The following CCDC148 variants were observed in gnomAD, a reference collection of about 807,000 sequenced individuals.
CCDC148 encodes coiled-coil domain-containing protein 148.
A neutral mutation model predicts 85.7 loss-of-function variants in CCDC148; 89 were observed. The ratio of observed to expected loss-of-function variants is 1.04; its 90% CI spans 0.87 to 1.24. The LOEUF is 1.24. Among genes scored for constraint, CCDC148 ranks in the 50% most tolerant of loss-of-function variants. The pLI, the probability that CCDC148 is intolerant of heterozygous loss-of-function variation, is 0.00. For synonymous variants in CCDC148, 230 were observed against 213.9 expected, an observed-to-expected ratio of 1.08 and a Z score of -0.66; for missense variants, 692 against 671.7, an observed-to-expected ratio of 1.03 and a Z score of -0.33.
chr2:158,328,421 C>T (rs901761269), intron 7 of CCDC148, among the ~76,000 whole-genome samples: 5 of 152,306 alleles, frequency 3.3e-5, no homozygotes, highest in Admixed American at 2.6e-4. Flanking sequence ...CATTGTTGGA[C>T]ATCTGGGTTG....
At chr2:158,237,521 C>A (rs188422960) in intron 10 of CCDC148, among the ~76,000 whole-genome samples, 144 of 152,168 alleles carry the variant, frequency 9.5e-4, no homozygotes, top group African/African-American at 3.3e-3. Flanking sequence ...AGGGCGGAAA[C>A]AGAAGTCAGA....
At chr2:158,238,829 T>C (rs1478623781) in intron 10 of CCDC148, among the ~76,000 whole-genome samples, 1 of 152,148 alleles carries the variant, frequency 6.6e-6, no homozygotes, top group South Asian at 2.1e-4. Flanking sequence ...CGAAAGTAAA[T>C]AGTTTGAAAC....
Position 158,258,558 on chromosome 2 carries a change from C to T in CCDC148, c.1111-7646G>A, listed in dbSNP as rs116580510. Among the ~76,000 whole-genome samples, 1,305 of 151,900 alleles carry T rather than the reference C, an allele frequency of 8.6e-3. 11 individuals carry two copies. Among genetic ancestry groups the T allele is most frequent in the African/African-American group, 0.03 (1,237 of 41,476 alleles). On this transcript the variant is annotated intron_variant, in intron 9 of 13. Coordinates refer to ENST00000283233, the MANE Select transcript of CCDC148 (RefSeq NM_138803.4). ...TAATGATGCACACTTGACAGGGTTG[C>T]TATGCAAACACCAACCATTTGAACA...
intron 1 of CCDC148, among the ~76,000 whole-genome samples, chr2:158,377,117 G>A (rs1684683316): frequency 6.6e-6 from 1 of 151,956 alleles, no homozygotes; most frequent in African/African-American, 2.4e-5. Flanking sequence ...TTTGCACAAG[G>A]ATCCATATTC....
chr2:158,439,521 A>C (rs1687839381), intron 1 of CCDC148, among the ~76,000 whole-genome samples: 1 of 152,086 alleles, frequency 6.6e-6, no homozygotes, highest in Admixed American at 6.5e-5. Context: ...GATATACCTA[A>C]TGTAAATGAT....
chr2:158,329,957 G>T (rs1263250351), intron 7 of CCDC148, among the ~76,000 whole-genome samples: 2 of 152,126 alleles, frequency 1.3e-5, no homozygotes, highest in African/African-American at 4.8e-5. Context: ...CTGCAAACAG[G>T]GACAATTTGA....
At chr2:158,298,655 A>G (rs1290676497) in intron 9 of CCDC148, among the ~76,000 whole-genome samples, 1 of 152,152 alleles carries the variant, frequency 6.6e-6, no homozygotes, top group Non-Finnish European at 1.5e-5. Context: ...GATAAAGCCA[A>G]TTCAATAGAT....
chr2:158,319,300 G>A (rs1199724595), intron 7 of CCDC148, among the ~76,000 whole-genome samples: 1 of 152,104 alleles, frequency 6.6e-6, no homozygotes, highest in Non-Finnish European at 1.5e-5. Flanking sequence ...CAGTGAATCT[G>A]GATTGATTTT....
At chr2:158,448,542 C>T (rs1030211231) in intron 1 of CCDC148, among the ~76,000 whole-genome samples, 5 of 151,878 alleles carry the variant, frequency 3.3e-5, no homozygotes, top group Non-Finnish European at 7.4e-5. Context: ...TAGGGTTTTG[C>T]CATGTTACCC....
intron 1 of CCDC148, among the ~76,000 whole-genome samples, chr2:158,433,863 C>T (rs1450485168): frequency 1.3e-4 from 20 of 152,244 alleles, no homozygotes; most frequent in Admixed American, 1.3e-3. Context: ...GCCCATGGAG[C>T]CTCGCTCACT....
intron 10 of CCDC148, among the ~76,000 whole-genome samples, chr2:158,221,892 G>C (rs1687203056): frequency 6.6e-6 from 1 of 152,146 alleles, no homozygotes; most frequent in Non-Finnish European, 1.5e-5. Flanking sequence ...GATGGAGAGA[G>C]AGAGAGAGAG....
chr2:158,338,826 G>A lies in CCDC148; in HGVS notation c.664C>T (p.Pro222Ser). The A allele has an allele frequency of 6.2e-7, 1 of 1,612,524 alleles. No individual in the cohort carries two copies. The highest frequency in any genetic ancestry group is 8.5e-7 in the Non-Finnish European group (1 of 1,179,530). ...IELESLECPY[P>S]DLKSSILSEF... ...CTGAGAATTGAAGATTTCAAATCAG[G>A]GTATGGGCATTCCAAACTTTCTAAT... is the stretch of plus-strand genomic sequence containing the variant. The change falls in exon 7 of 14, where the codon CCT (proline) becomes TCT (serine). Residue 222 changes from proline to serine, a missense_variant. Coordinates refer to ENST00000283233, the MANE Select transcript of CCDC148 (RefSeq NM_138803.4).
At chr2:158,207,250 G>A (rs528891153) in intron 11 of CCDC148, among the ~76,000 whole-genome samples, 1 of 152,176 alleles carries the variant, frequency 6.6e-6, no homozygotes, top group Admixed American at 6.5e-5. Context: ...CTTATAAGAC[G>A]ACAGATAGCC....
intron 1 of CCDC148, among the ~76,000 whole-genome samples, 193 bp downstream of exon 1, chr2:158,456,222 T>C (rs1688710484): frequency 6.6e-6 from 1 of 152,182 alleles, no homozygotes; most frequent in African/African-American, 2.4e-5. Flanking sequence ...CCTCGTTCCC[T>C]TACCAAAATA....
chr2:158,294,923 T>C (rs62184073), intron 9 of CCDC148, among the ~76,000 whole-genome samples: 61,705 of 151,492 alleles, frequency 0.41, 13,196 homozygotes, highest in South Asian at 0.61. Flanking sequence ...GTTGACGATA[T>C]TTGACATGAT....
chr2:158,455,685 G>C (rs1025262392), intron 1 of CCDC148, among the ~76,000 whole-genome samples: 1 of 152,048 alleles, frequency 6.6e-6, no homozygotes, highest in Non-Finnish European at 1.5e-5. Context: ...ATCGCCAAAA[G>C]AATGTAAGAA....
chr2:158,371,579 A>G (rs1161611247), intron 1 of CCDC148, among the ~76,000 whole-genome samples: 1 of 151,966 alleles, frequency 6.6e-6, no homozygotes, highest in Non-Finnish European at 1.5e-5. Flanking sequence ...AATTTTATAC[A>G]GGTATAATAA....
At chr2:158,435,842 A>G (rs542515399) in intron 1 of CCDC148, among the ~76,000 whole-genome samples, 1 of 152,336 alleles carries the variant, frequency 6.6e-6, no homozygotes, top group South Asian at 2.1e-4. Flanking sequence ...CTCTGATAAA[A>G]CAGACTTTGA....
At chr2:158,356,479 A>G (rs937410085) in intron 2 of CCDC148, among the ~76,000 whole-genome samples, 1 of 151,804 alleles carries the variant, frequency 6.6e-6, no homozygotes, top group African/African-American at 2.4e-5. Context: ...CACATGAAAA[A>G]ATGCTCATCA....
Sources: allele counts gnomAD v4.1 joint callset (sites outside exome capture counted in the v4.1 genomes callset), GRCh38; gene constraint gnomAD v4.1.1; transcripts MANE v1.5; gene names NCBI Gene and HGNC (gene_info 2026-07-23, HGNC 2026-07-21).